Variants in CFAP299 observed in about 807,000 individuals in gnomAD.
CFAP299 encodes the protein cilia- and flagella-associated protein 299.
A neutral mutation model predicts 27.0 loss-of-function variants in CFAP299; 21 were observed. The ratio of observed to expected loss-of-function variants is 0.78; its 90% CI spans 0.55 to 1.12. CFAP299 has a LOEUF of 1.12. Among genes scored for constraint, CFAP299 ranks in the 50% most tolerant of loss-of-function variants. The pLI is 0.00. For synonymous variants in CFAP299, 104 were observed against 98.1 expected (o/e 1.06, Z -0.36); for missense variants, 310 against 276.6 (o/e 1.12, Z -0.86).
Position 80,373,372 on chromosome 4 carries a change from C to T in CFAP299, c.242+10488C>T, listed in dbSNP as rs1457506243. Among the ~76,000 whole-genome samples, 4 of 150,728 alleles carry T rather than the reference C, an allele frequency of 2.7e-5. No individual in the cohort carries two copies. In the East Asian group the frequency reaches 8.7e-4, roughly 33 times the overall value. ...TGTGTGTACTCATTTGAGTAAATGC[C>T]CATAGGTCTCTTTGGGGGAGAAGAG... On this transcript the variant is annotated intron_variant, in intron 2 of 5. Coordinates refer to ENST00000358105, the MANE Select transcript of CFAP299 (RefSeq NM_152770.3).
At chr4:80,638,212 T>G (rs6856607) in intron 3 of CFAP299, among the ~76,000 whole-genome samples, 141,839 of 152,200 alleles carry the variant, frequency 0.93, 66,169 homozygotes, top group East Asian at 1. Flanking sequence ...CAGGCCCTTT[T>G]CACAGTGCCA....
intron 3 of CFAP299, among the ~76,000 whole-genome samples, chr4:80,712,781 T>C (rs1722250394): frequency 6.6e-6 from 1 of 152,168 alleles, no homozygotes; most frequent in Non-Finnish European, 1.5e-5. Context: ...CTGTTGACTT[T>C]TAGATTTTAC....
intron 4 of CFAP299, among the ~76,000 whole-genome samples, chr4:80,937,215 G>GT (rs1313773638): frequency 1.4e-5 from 2 of 144,066 alleles, no homozygotes; most frequent in Non-Finnish European, 3.1e-5. Context: ...TCATTTGAGA[G>GT]TTTTTTAAAG....
chr4:80,468,470 C>A (rs1452861352), intron 2 of CFAP299, among the ~76,000 whole-genome samples: 4 of 151,930 alleles, frequency 2.6e-5, no homozygotes, highest in Admixed American at 2.0e-4. Flanking sequence ...GTGTTCCACC[C>A]GCCTTGTTCT....
rs189088630 is a variant in CFAP299 at position 80,946,504 on chromosome 4, G to A, written c.606+1565G>A. On this transcript the variant is annotated intron_variant, in intron 5 of 5. Coordinates refer to ENST00000358105, the MANE Select transcript of CFAP299 (RefSeq NM_152770.3). Reference sequence around the variant, plus strand: ...ATTGTAAGAAGTTAGTCTTATGGAGGTGATTAGCTACATGCAAAGCTGGGA... The same window carrying A: ...ATTGTAAGAAGTTAGTCTTATGGAGATGATTAGCTACATGCAAAGCTGGGA... 4.7e-3 allele frequency among the ~76,000 whole-genome samples: 711 copies of A among 152,284 alleles called. 1 individual carries two copies. The highest frequency in any genetic ancestry group is 0.014 in the Middle Eastern group (4 of 294).
intron 3 of CFAP299, among the ~76,000 whole-genome samples, chr4:80,846,689 T>A (rs921572020): frequency 6.6e-6 from 1 of 152,208 alleles, no homozygotes; most frequent in Non-Finnish European, 1.5e-5. Context: ...TAATTAGTAC[T>A]GTTAATTGAT....
chr4:80,503,296 A>G (rs1297010968), intron 2 of CFAP299, among the ~76,000 whole-genome samples: 1 of 152,064 alleles, frequency 6.6e-6, no homozygotes. Flanking sequence ...TTATAAGTGC[A>G]TATTCAAGAC....
At chr4:80,917,616 T>G (rs1735829721) in intron 4 of CFAP299, among the ~76,000 whole-genome samples, 1 of 152,120 alleles carries the variant, frequency 6.6e-6, no homozygotes, top group African/African-American at 2.4e-5. Context: ...GCCTCCAAAT[T>G]TTTCACTAGT....
intron 3 of CFAP299, among the ~76,000 whole-genome samples, chr4:80,864,449 C>G (rs1732574967): frequency 7.3e-6 from 1 of 137,638 alleles, no homozygotes; most frequent in Non-Finnish European, 1.6e-5. Context: ...TATATATATA[C>G]CTATATAAGT....
In CFAP299 at chr4:80,963,538, A is replaced by G. The variant is rs958398540; in HGVS notation, c.628A>G (p.Thr210Ala). 6.2e-6 allele frequency: 10 copies of G among 1,606,064 alleles called. No individual in the cohort carries two copies. Among genetic ancestry groups the G allele is most frequent in the South Asian group, 1.1e-5 (1 of 89,794 alleles). The change falls in exon 6 of 6, where the codon ACT becomes GCT. Residue 210 changes from threonine (T) to alanine (A), a missense_variant. Transcript: ENST00000358105. ...DPKAQPGDNS[T>A]RITILTELYV... ...TTAGGCGCAGCCAGGTGACAACTCT[A>G]CTAGAATCACTATCCTGACAGAACT... is the stretch of plus-strand genomic sequence containing the variant.
At chr4:80,884,643 A>G (rs1359091582) in intron 4 of CFAP299, among the ~76,000 whole-genome samples, 8 of 80,140 alleles carry the variant, frequency 1.0e-4, no homozygotes, top group Admixed American at 1.7e-4. Flanking sequence ...AATAAATTAT[A>G]TAGCGAATAC....
intron 3 of CFAP299, among the ~76,000 whole-genome samples, chr4:80,642,340 G>T (rs764125832): frequency 7.9e-5 from 12 of 152,192 alleles, no homozygotes; most frequent in Non-Finnish European, 1.8e-4. Flanking sequence ...TATTAATTAT[G>T]CTAGGAAAGT....
rs1403808849 is a variant in CFAP299 at position 80,745,968 on chromosome 4, A to G, written c.334-124025A>G. On this transcript the variant is annotated intron_variant, in intron 3 of 5. Transcript: ENST00000358105. ...GAGATAAGAAATTCCAAGAAATTCAATTTCTAATTCATTTGTTTCCTGTGG... is the reference window on the plus strand; with the variant it reads ...GAGATAAGAAATTCCAAGAAATTCAGTTTCTAATTCATTTGTTTCCTGTGG... Among the ~76,000 whole-genome samples the G allele has an allele frequency of 2.0e-5, 3 of 152,046 alleles. No individual in the cohort carries two copies. The East Asian group carries it at 5.8e-4, about 29-fold the overall frequency.
At chr4:80,632,255 A>C (rs989409451) in intron 3 of CFAP299, among the ~76,000 whole-genome samples, 1 of 151,476 alleles carries the variant, frequency 6.6e-6, no homozygotes, top group Non-Finnish European at 1.5e-5. Flanking sequence ...TTTAAAAACA[A>C]TTTGGTTTTC....
At chr4:80,576,090 C>T (rs958719992) in intron 2 of CFAP299, among the ~76,000 whole-genome samples, 5 of 151,312 alleles carry the variant, frequency 3.3e-5, no homozygotes, top group East Asian at 3.9e-4. Context: ...ATGTAAATGA[C>T]GAGTTAATGG....
chr4:80,637,926 C>G (rs1199323465), intron 3 of CFAP299, among the ~76,000 whole-genome samples: 1 of 152,072 alleles, frequency 6.6e-6, no homozygotes, highest in East Asian at 1.9e-4. Context: ...AGTTGACTAT[C>G]CTAAAATATT....
chr4:80,651,109 T>C (rs1326608078), intron 3 of CFAP299, among the ~76,000 whole-genome samples: 2 of 152,170 alleles, frequency 1.3e-5, no homozygotes, highest in African/African-American at 4.8e-5. Flanking sequence ...TGTACTTTTC[T>C]GTTAATTTAT....
Position 80,536,735 on chromosome 4 carries a change from T to C in CFAP299, c.243-46358T>C, listed in dbSNP as rs547985238. ...ACTCAAAATGAAATAAGACTTAAAT[T>C]TGAGACCTGTAACCATAAAATGGTT... On this transcript the variant is annotated intron_variant, in intron 2 of 5. Transcript: ENST00000358105. 2.6e-5 allele frequency among the ~76,000 whole-genome samples: 4 copies of C among 152,226 alleles called. No individual in the cohort carries two copies. In the East Asian group the frequency reaches 5.8e-4, roughly 22 times the overall value.
At chr4:80,329,654 A>G in the CFAP299 span, among the ~76,000 whole-genome samples, 1 of 152,104 alleles carries the variant, frequency 6.6e-6, no homozygotes, top group Admixed American at 6.5e-5. Flanking sequence ...AATTGGCACC[A>G]CTTCCTTTAA....
Sources: gnomAD v4.1 joint callset for allele counts (sites outside exome capture counted in the v4.1 genomes callset) on GRCh38, gnomAD v4.1.1 for gene constraint, MANE v1.5 for transcripts, NCBI Gene and HGNC (gene_info 2026-07-23, HGNC 2026-07-21) for gene names.